The following DPYSL2 variants were observed in gnomAD, a reference collection of about 807,000 sequenced individuals.
DPYSL2 encodes the protein dihydropyrimidinase like 2, also known as dihydropyrimidinase-related protein 2.
A neutral mutation model predicts 69.9 loss-of-function variants in DPYSL2; 13 were observed. The ratio of observed to expected loss-of-function variants is 0.19; its 90% CI spans 0.12 to 0.30. The LOEUF (loss-of-function observed/expected upper bound fraction) is 0.30, where lower values mean the gene tolerates loss of function less well. Ranked by LOEUF, DPYSL2 falls within the 10% of genes least tolerant of loss-of-function variation. The pLI is 1.00. For synonymous variants in DPYSL2, 326 were observed against 359.1 expected, an observed-to-expected ratio of 0.91 and a Z score of 1.04; for missense variants, 587 against 918.9, an observed-to-expected ratio of 0.64 and a Z score of 4.67.
intron 3 of DPYSL2, among the ~76,000 whole-genome samples, chr8:26,602,215 A>G (rs1330588034): frequency 1.3e-5 from 2 of 149,038 alleles, no homozygotes; most frequent in Non-Finnish European, 3.0e-5. Flanking sequence ...TATTATTAAG[A>G]CTTTTTTGGG....
At chr8:26,603,829 G>T (rs1029401907) in intron 3 of DPYSL2, among the ~76,000 whole-genome samples, 1 of 151,894 alleles carries the variant, frequency 6.6e-6, no homozygotes, top group South Asian at 2.1e-4. Flanking sequence ...TTTTTTTTAT[G>T]GATAATATTT....
rs1803205935 is a variant in DPYSL2, at chr8:26,647,894, T to TG, written c.1596+95dup. 4 of 1,436,326 alleles carry TG rather than the reference T, an allele frequency of 2.8e-6. No individual in the cohort carries two copies. Among genetic ancestry groups the TG allele is most frequent in the Non-Finnish European group, 3.7e-6 (4 of 1,070,922 alleles). The allele number at this position is 1,436,326 out of a possible 1,614,324, so 89.0% of individuals were successfully genotyped here. Reference sequence around the variant, plus strand: ...AGCCCCAGGGTTTCTAAAAAGAACTTGCTGTGATGGGAATGCGCTCGACTG... The same window carrying TG: ...AGCCCCAGGGTTTCTAAAAAGAACTTGGCTGTGATGGGAATGCGCTCGACTG... On this transcript the variant is annotated intron_variant, in intron 11 of 13. Transcript: ENST00000521913. The surrounding 1 kb of genome is among the most constrained non-coding windows in gnomAD (Gnocchi z 5.1).
At chr8:26,616,859 C>T (rs1311999304) in intron 3 of DPYSL2, among the ~76,000 whole-genome samples, 1 of 151,900 alleles carries the variant, frequency 6.6e-6, no homozygotes, top group African/African-American at 2.4e-5. Flanking sequence ...GTGAAGGCTC[C>T]TCATCCTCCC....
In DPYSL2 at chr8:26,644,109, C is replaced by A. The variant is rs761911358; in HGVS notation, c.1425+18C>A. 2 of 1,612,700 alleles carry A rather than the reference C, an allele frequency of 1.2e-6. No homozygotes were observed. Among genetic ancestry groups the A allele is most frequent in the African/African-American group, 2.7e-5 (2 of 74,910 alleles). On this transcript the variant is annotated intron_variant, in intron 10 of 13. Coordinates refer to ENST00000521913, the MANE Select transcript of DPYSL2 (RefSeq NM_001197293.3). The surrounding 1 kb of genome is among the most constrained non-coding windows in gnomAD (Gnocchi z 4.5). ...AGGCTGTGGTAAGGAGCGATGGCCT[C>A]ACTCCTTGGTGGCTCTCAGCCTTCC...
rs1803372985 is a variant in DPYSL2 at position 26,655,771 on chromosome 8, C to T, written c.*65C>T. The T allele has an allele frequency of 2.3e-5, 25 of 1,069,664 alleles. No individual in the cohort carries two copies. Among genetic ancestry groups the T allele is most frequent in the Middle Eastern group, 2.4e-4 (1 of 4,228 alleles). 66.3% of individuals were successfully genotyped at this position (1,069,664 alleles called of 1,614,324 possible). ...GACACCTGAGGACATTCTGAGACTT[C>T]TTTCTTCCTTCCTTTTTTTTTTTTT... On this transcript the variant is annotated 3_prime_UTR_variant, in exon 14 of 14. Coordinates refer to ENST00000521913, the MANE Select transcript of DPYSL2 (RefSeq NM_001197293.3).
In DPYSL2 at chr8:26,652,537, T is replaced by G; in HGVS notation, c.1776+101T>G. On this transcript the variant is annotated intron_variant, in intron 12 of 13. Coordinates refer to ENST00000521913, the MANE Select transcript of DPYSL2 (RefSeq NM_001197293.3). The surrounding 1 kb of genome is among the most constrained non-coding windows in gnomAD (Gnocchi z 6.3). ...CTTGAGACAGAATATTAAGATGAAT[T>G]TAGTGGATTCCAGGGATAAGAGGGA... 1 of 1,305,982 alleles carries G rather than the reference T, an allele frequency of 7.7e-7. No individual in the cohort carries two copies. The highest frequency in any genetic ancestry group is 1.0e-6 in the Non-Finnish European group (1 of 952,812). The allele number at this position is 1,305,982 out of a possible 1,614,324, so 80.9% of individuals were successfully genotyped here.
At chr8:26,542,993 A>G (rs1237659613) in intron 1 of DPYSL2, among the ~76,000 whole-genome samples, 2 of 152,238 alleles carry the variant, frequency 1.3e-5, no homozygotes, top group African/African-American at 4.8e-5. Context: ...ACATGACACC[A>G]GCTCAATCTG....
At position 26,515,099 on chromosome 8, in the gene DPYSL2, G is replaced by A. The variant is rs891006641; in HGVS notation, c.354+420G>A. 2.6e-5 allele frequency among the ~76,000 whole-genome samples: 4 copies of A among 152,300 alleles called. No homozygotes were observed. The East Asian group carries it at 5.8e-4, about 22-fold the overall frequency. On this transcript the variant is annotated intron_variant, in intron 1 of 13. Transcript: ENST00000521913. Reference sequence around the variant, plus strand: ...CGTGCGGTGGAGGCTTTGCGTGAAGGCCCGCGGCTCCCCGGTGGTCGGGAG... The same window carrying A: ...CGTGCGGTGGAGGCTTTGCGTGAAGACCCGCGGCTCCCCGGTGGTCGGGAG...
rs1359227637 is a variant in DPYSL2, at chr8:26,582,714, C to T, written c.443+657C>T. ...CTGAGTTCATCCCAGTATCTGCCTG[C>T]CCTTTCTACTGGGGTAGCTCCCGGG... On this transcript the variant is annotated intron_variant, in intron 2 of 13. Coordinates refer to ENST00000521913, the MANE Select transcript of DPYSL2 (RefSeq NM_001197293.3). The surrounding 1 kb of genome is among the most constrained non-coding windows in gnomAD (Gnocchi z 4.1). 6.6e-6 allele frequency among the ~76,000 whole-genome samples: 1 copy of T among 152,176 alleles called. No homozygotes were observed. Among genetic ancestry groups the T allele is most frequent in the African/African-American group, 2.4e-5 (1 of 41,432 alleles).
intron 7 of DPYSL2, among the ~76,000 whole-genome samples, chr8:26,630,941 G>A (rs947309592): frequency 1.3e-5 from 2 of 152,182 alleles, no homozygotes; most frequent in Non-Finnish European, 2.9e-5. Flanking sequence ...TGCCTGCCAT[G>A]TACCAGCTGT....
chr8:26,543,520 T>C lies in DPYSL2; in HGVS notation c.354+28841T>C, dbSNP rs546552583. ...TTTTTTTTTTGAGATGGAGTTTTGC[T>C]CTTGTTGCCCAGGCTGGAGTGCAAT... On this transcript the variant is annotated intron_variant, in intron 1 of 13. Transcript: ENST00000521913. 3.5e-3 allele frequency among the ~76,000 whole-genome samples: 536 copies of C among 151,446 alleles called. 2 individuals are homozygous for C. The highest frequency in any genetic ancestry group is 5.8e-3 in the Non-Finnish European group (391 of 67,880).
At chr8:26,581,107 A>AT (rs1585522548) in intron 1 of DPYSL2, among the ~76,000 whole-genome samples, 1 of 152,166 alleles carries the variant, frequency 6.6e-6, no homozygotes, top group Admixed American at 6.6e-5. Context: ...TCAATGGCGT[A>AT]TTTTTTGTAG....
At chr8:26,550,985 C>T (rs1800866127) in intron 1 of DPYSL2, among the ~76,000 whole-genome samples, 1 of 152,132 alleles carries the variant, frequency 6.6e-6, no homozygotes, top group South Asian at 2.1e-4. Context: ...TCCATCCAGG[C>T]CCCCAGTCAG....
intron 3 of DPYSL2, among the ~76,000 whole-genome samples, chr8:26,611,600 C>G (rs1802230039): frequency 1.3e-5 from 2 of 152,176 alleles, no homozygotes; most frequent in South Asian, 4.1e-4. Context: ...GAATGCCTGT[C>G]TAATTACAGG....
chr8:26,639,234 T>TG (rs1368929528), intron 8 of DPYSL2, among the ~76,000 whole-genome samples: 1 of 151,976 alleles, frequency 6.6e-6, no homozygotes, highest in Non-Finnish European at 1.5e-5. Context: ...AAAAGGGGGA[T>TG]GAGAGAGGAG....
intron 7 of DPYSL2, among the ~76,000 whole-genome samples, chr8:26,633,679 T>A (rs1802834042): frequency 1.3e-5 from 2 of 152,080 alleles, no homozygotes. Flanking sequence ...TTTCACCATG[T>A]TGGTCAGGCT....
Position 26,514,572 on chromosome 8 carries a change from T to G in DPYSL2, c.247T>G (p.Ser83Ala). 8.5e-6 allele frequency: 13 copies of G among 1,526,244 alleles called. No individual in the cohort carries two copies. Among genetic ancestry groups the G allele is most frequent in the Non-Finnish European group, 1.1e-5 (13 of 1,142,196 alleles). 94.5% of individuals were successfully genotyped at this position (1,526,244 alleles called of 1,614,324 possible). Reference sequence around the variant, plus strand: ...GGGCCCGGACCCGCAGCCGCCGTACTCGCGGCAGGGCCGGCGCGCCGGCGG... The same window carrying G: ...GGGCCCGGACCCGCAGCCGCCGTACGCGCGGCAGGGCCGGCGCGCCGGCGG... ...HLGPDPQPPY[S>A]RQGRRAGGEP... Residue 83 changes from serine to alanine, a missense_variant, in exon 1 of 14, where the codon TCG becomes GCG. This residue lies in a region of DPYSL2 where 85 missense variants were observed against 77.7 expected (regional missense o/e 1.09). Coordinates refer to ENST00000521913, the MANE Select transcript of DPYSL2 (RefSeq NM_001197293.3). The surrounding 1 kb of genome is among the most constrained non-coding windows in gnomAD (Gnocchi z 8.4).
rs548162935 is a variant in DPYSL2 at position 26,653,413 on chromosome 8, G to C, written c.1942+16G>C. 34 of 1,608,914 alleles carry C rather than the reference G, an allele frequency of 2.1e-5. No individual in the cohort carries two copies. Among genetic ancestry groups the C allele is most frequent in the Admixed American group, 1.7e-4 (10 of 59,608 alleles). On this transcript the variant is annotated intron_variant, in intron 13 of 13. Coordinates refer to ENST00000521913, the MANE Select transcript of DPYSL2 (RefSeq NM_001197293.3). The surrounding 1 kb of genome is among the most constrained non-coding windows in gnomAD (Gnocchi z 5.7). ...AGTTTGTCTGGTAGGGTTGGGGCTT[G>C]GGGAGGGCACAGTTCTGCAGGGCCA...
intron 1 of DPYSL2, among the ~76,000 whole-genome samples, chr8:26,572,092 G>A (rs764579204): frequency 6.6e-6 from 1 of 152,212 alleles, no homozygotes; most frequent in Non-Finnish European, 1.5e-5. Flanking sequence ...GGGCATTGGG[G>A]ATTTTCTTTG....
Sources: allele counts gnomAD v4.1 joint callset (sites outside exome capture counted in the v4.1 genomes callset), GRCh38; gene constraint gnomAD v4.1.1; regional missense constraint gnomAD v4.1.1; non-coding constraint Gnocchi (gnomAD v3.1); transcripts MANE v1.5; gene names NCBI Gene and HGNC (gene_info 2026-07-23, HGNC 2026-07-21).